The following FHIT variants were observed in gnomAD, a reference collection of about 807,000 sequenced individuals.
FHIT encodes bis(5'-adenosyl)-triphosphatase.
In FHIT, 19 loss-of-function variants were observed where a neutral mutation model predicts 17.9. That is an observed-to-expected ratio of 1.06 (90% CI 0.74 to 1.56). The LOEUF (loss-of-function observed/expected upper bound fraction) is 1.56, where lower values mean the gene tolerates loss of function less well. FHIT is among the 40% of genes most tolerant of loss of function. The pLI is 0.00. For synonymous variants in FHIT, 81 were observed against 69.7 expected (o/e 1.16, Z -0.81); for missense variants, 248 against 189.2 (o/e 1.31, Z -1.82).
At chr3:60,668,663 G>C (rs2040439580) in intron 4 of FHIT, among the ~76,000 whole-genome samples, 1 of 144,376 alleles carries the variant, frequency 6.9e-6, no homozygotes, top group Non-Finnish European at 1.5e-5. Context: ...CCAGGTTCAC[G>C]CCATTCTCCT....
At chr3:61,047,040 C>T (rs11917807) in intron 2 of FHIT, among the ~76,000 whole-genome samples, 2,439 of 152,176 alleles carry the variant, frequency 0.016, 74 homozygotes, top group African/African-American at 0.055. Context: ...AATATCATAC[C>T]GAATGGGCAA....
intron 4 of FHIT, among the ~76,000 whole-genome samples, chr3:60,720,815 G>C (rs1056446470): frequency 1.3e-5 from 2 of 152,080 alleles, no homozygotes; most frequent in Non-Finnish European, 2.9e-5. Flanking sequence ...ATGAGTCTGT[G>C]GCCCACAGAA....
At chr3:60,187,428 G>C in intron 5 of FHIT, among the ~76,000 whole-genome samples, 1 of 152,308 alleles carries the variant, frequency 6.6e-6, no homozygotes, top group African/African-American at 2.4e-5. Flanking sequence ...GGAAACTCTT[G>C]GATTGTTCCA....
intron 4 of FHIT, among the ~76,000 whole-genome samples, chr3:60,805,255 G>C (rs1553733585): frequency 6.6e-6 from 1 of 152,080 alleles, no homozygotes; most frequent in African/African-American, 2.4e-5. Flanking sequence ...AGTCAGCTTG[G>C]GCTGCCATAA....
rs564742098 is a variant in FHIT at position 61,158,474 on chromosome 3, G to A, written c.-164+42143C>T. Among the ~76,000 whole-genome samples, 121 of 152,274 alleles carry A rather than the reference G, an allele frequency of 7.9e-4. 1 individual carries two copies. Among genetic ancestry groups the A allele is most frequent in the African/African-American group, 2.6e-3 (110 of 41,560 alleles). On this transcript the variant is annotated intron_variant, in intron 2 of 9. Transcript: ENST00000492590. The stretch of plus-strand genomic sequence containing the variant: ...TAAAGGGAGATTTGTCTAACTAAAT[G>A]TACAGTGCTGCACTCACATGGGCAT...
intron 1 of FHIT, among the ~76,000 whole-genome samples, chr3:61,245,327 T>G (rs74396819): frequency 0.048 from 7,329 of 152,258 alleles, 201 homozygotes; most frequent in Non-Finnish European, 0.054. Flanking sequence ...TCAGAGAGAT[T>G]TGGACACTTT....
At chr3:60,216,349 G>A (rs1272023804) in intron 5 of FHIT, among the ~76,000 whole-genome samples, 3 of 152,242 alleles carry the variant, frequency 2.0e-5, no homozygotes, top group East Asian at 1.9e-4. Context: ...CGAGATAAGC[G>A]TCAAATACTA....
chr3:60,985,080 T>G (rs1427213784), intron 3 of FHIT, among the ~76,000 whole-genome samples: 1 of 152,140 alleles, frequency 6.6e-6, no homozygotes, highest in Non-Finnish European at 1.5e-5. Flanking sequence ...GAAACCACTG[T>G]ATGTGCCCCC....
At chr3:60,073,533 C>T (rs1485775584) in intron 5 of FHIT, among the ~76,000 whole-genome samples, 1 of 152,058 alleles carries the variant, frequency 6.6e-6, no homozygotes, top group African/African-American at 2.4e-5. Context: ...AACCCTATTT[C>T]TCTTCTGCCC....
At chr3:60,842,622 TATGAGTGTATATATATATATATA>T (rs1465390810) in intron 3 of FHIT, among the ~76,000 whole-genome samples, 73 of 103,428 alleles carry the variant, frequency 7.1e-4, no homozygotes, top group African/African-American at 2.9e-3. Context: ...TACATATATA[TATGAGTGTATATATATATATATA>T]TTTTTTTTTT....
At chr3:61,118,054 C>T (rs1030011469) in intron 2 of FHIT, among the ~76,000 whole-genome samples, 33 of 152,128 alleles carry the variant, frequency 2.2e-4, no homozygotes, top group African/African-American at 7.5e-4. Flanking sequence ...CTGATTCTAT[C>T]TTCAGGAAGG....
chr3:59,974,516 C>A (rs1230275291), intron 7 of FHIT, among the ~76,000 whole-genome samples: 1 of 152,128 alleles, frequency 6.6e-6, no homozygotes, highest in African/African-American at 2.4e-5. Context: ...CAAACACAGA[C>A]TTTATTTTCT....
chr3:60,037,342 A>G (rs752941527), intron 5 of FHIT, among the ~76,000 whole-genome samples: 3 of 152,100 alleles, frequency 2.0e-5, no homozygotes, highest in Non-Finnish European at 2.9e-5. Context: ...TTGATAAACA[A>G]TCTAGATGGC....
chr3:61,036,922 G>GTT (rs1360637156), intron 3 of FHIT, among the ~76,000 whole-genome samples: 2 of 96,342 alleles, frequency 2.1e-5, no homozygotes, highest in African/African-American at 4.0e-5. Flanking sequence ...TTGTTTGTTT[G>GTT]TTTTTTTGAG....
chr3:60,197,250 G>A (rs1003465934), intron 5 of FHIT, among the ~76,000 whole-genome samples: 1 of 151,970 alleles, frequency 6.6e-6, no homozygotes, highest in Non-Finnish European at 1.5e-5. Context: ...ACTGTGACTA[G>A]TCCAAACTGA....
chr3:60,600,257 A>T (rs1295200949), intron 4 of FHIT, among the ~76,000 whole-genome samples: 1 of 151,868 alleles, frequency 6.6e-6, no homozygotes, highest in African/African-American at 2.4e-5. Flanking sequence ...ACTCTCCCAA[A>T]CCTCTTTTTT....
intron 3 of FHIT, among the ~76,000 whole-genome samples, chr3:60,918,578 G>A (rs7640419): frequency 0.35 from 53,362 of 151,996 alleles, 10,634 homozygotes; most frequent in African/African-American, 0.55. Flanking sequence ...GGCTGAGAGG[G>A]TGAAGGAATG....
chr3:60,704,899 C>A, intron 4 of FHIT, among the ~76,000 whole-genome samples: 1 of 151,938 alleles, frequency 6.6e-6, no homozygotes, highest in East Asian at 1.9e-4. Flanking sequence ...GCTCTTTAGC[C>A]TCAAGAAATG....
chr3:60,362,002 C>A (rs907888045), intron 5 of FHIT, among the ~76,000 whole-genome samples: 1 of 152,150 alleles, frequency 6.6e-6, no homozygotes, highest in South Asian at 2.1e-4. Flanking sequence ...CATCGTCACT[C>A]AACCAAACTG....
Sources: gnomAD v4.1 joint callset for allele counts (sites outside exome capture counted in the v4.1 genomes callset) on GRCh38, gnomAD v4.1.1 for gene constraint, MANE v1.5 for transcripts, NCBI Gene and HGNC (gene_info 2026-07-23, HGNC 2026-07-21) for gene names.